CYTH4: variants seen among roughly 807,000 people sequenced by gnomAD.
CYTH4 encodes the protein cytohesin-4.
Under a neutral mutation model 57.5 loss-of-function variants are expected in CYTH4, and 22 were observed. That is an observed-to-expected ratio of 0.38 (90% CI 0.27 to 0.55). The LOEUF is 0.55. Ranked by LOEUF, CYTH4 falls within the 20% of genes least tolerant of loss-of-function variation. The probability of loss-of-function intolerance (pLI) is 0.74; values close to 1 mark genes in which losing one functional copy is unlikely to be tolerated. For synonymous variants in CYTH4, 186 were observed against 206.5 expected, an observed-to-expected ratio of 0.90 and a Z score of 0.85; for missense variants, 420 against 535.6, an observed-to-expected ratio of 0.78 and a Z score of 2.13.
At chr22:37,304,280 G>A (rs969916965) in intron 8 of CYTH4, 28 of 456,564 alleles carry the variant, frequency 6.1e-5, no homozygotes, top group Non-Finnish European at 1.1e-4. Flanking sequence ...TGTCCAGTGT[G>A]GCCGAGGTGT....
chr22:37,296,942 C>T (rs1204329663), intron 4 of CYTH4, among the ~76,000 whole-genome samples: 2 of 152,216 alleles, frequency 1.3e-5, no homozygotes, highest in Admixed American at 6.5e-5. Flanking sequence ...ACTAGGATGA[C>T]AAACTCTGAG....
chr22:37,296,307 A>G (rs1201755002), intron 4 of CYTH4: 11 of 560,990 alleles, frequency 2.0e-5, no homozygotes, highest in South Asian at 1.2e-4. Context: ...CACGGTGTCC[A>G]TGCACTTGGC....
chr22:37,283,268 G>A (rs995937806), intron 1 of CYTH4, among the ~76,000 whole-genome samples: 7 of 152,184 alleles, frequency 4.6e-5, no homozygotes, highest in African/African-American at 7.2e-5. Flanking sequence ...TGTCTGGGGA[G>A]AAAGAGGAGA....
intron 7 of CYTH4, among the ~76,000 whole-genome samples, chr22:37,302,862 T>C (rs1929231846): frequency 6.6e-6 from 1 of 151,924 alleles, no homozygotes; most frequent in Non-Finnish European, 1.5e-5. Flanking sequence ...CCGCTAACAA[T>C]GAGTGTTCTT....
intron 1 of CYTH4, among the ~76,000 whole-genome samples, chr22:37,284,045 T>G (rs1928463784): frequency 6.6e-6 from 1 of 152,142 alleles, no homozygotes; most frequent in African/African-American, 2.4e-5. Context: ...GGGGACTGAC[T>G]TGCTTGAGGT....
Position 37,314,787 on chromosome 22 carries a change from A to G in CYTH4, c.*1276A>G. On this transcript the variant is annotated 3_prime_UTR_variant, in exon 13 of 13. Transcript: ENST00000248901. ...GAGGGAAATTCCTTGGCAGGGGAAC[A>G]GGAAATGTGGCCGCCTCTGCCCCAC... 1 of 188,198 alleles carries G rather than the reference A, an allele frequency of 5.3e-6. No homozygotes were observed. The highest frequency in any genetic ancestry group is 1.1e-5 in the Non-Finnish European group (1 of 91,640). The allele number at this position is 188,198 out of a possible 1,614,324, so 11.7% of individuals were successfully genotyped here. A position where few individuals can be genotyped will look rare whatever the true frequency, so the allele number is the denominator to read the frequency against.
At chr22:37,288,188 G>A (rs946641633) in intron 1 of CYTH4, among the ~76,000 whole-genome samples, 3 of 152,180 alleles carry the variant, frequency 2.0e-5, no homozygotes, top group African/African-American at 7.2e-5. Context: ...GCCAAAGTGG[G>A]CAGATTGTGA....
At chr22:37,310,629 A>AAT (rs1929604677) in intron 9 of CYTH4, among the ~76,000 whole-genome samples, 2 of 152,354 alleles carry the variant, frequency 1.3e-5, no homozygotes, top group Middle Eastern at 6.8e-3. Flanking sequence ...GTGTCTGGCA[A>AAT]ATGAAGGACG....
intron 7 of CYTH4, 37 bp from the exon 8 acceptor site, chr22:37,303,217 G>A (rs1197630804): frequency 6.2e-7 from 1 of 1,611,268 alleles, no homozygotes; most frequent in East Asian, 2.2e-5. Flanking sequence ...AGGGAGAGTG[G>A]CCAGGGCCAG....
At chr22:37,304,069 C>G (rs567980563) in intron 8 of CYTH4, 1 of 425,558 alleles carries the variant, frequency 2.3e-6, no homozygotes, top group Non-Finnish European at 4.8e-6. Flanking sequence ...GCTCTGGAGA[C>G]GCAGATCTGC....
intron 2 of CYTH4, among the ~76,000 whole-genome samples, chr22:37,293,180 C>G (rs767405740): frequency 7.9e-5 from 12 of 152,256 alleles, no homozygotes; most frequent in Admixed American, 3.3e-4. Flanking sequence ...CAGCACTGCC[C>G]CTGGGCCTTT....
At chr22:37,290,403 C>T (rs1928708097) in intron 1 of CYTH4, among the ~76,000 whole-genome samples, 1 of 152,220 alleles carries the variant, frequency 6.6e-6, no homozygotes, top group Non-Finnish European at 1.5e-5. Context: ...TTGCAGGACT[C>T]TTCCCTTGGA....
chr22:37,287,084 G>A (rs1173778517), intron 1 of CYTH4, among the ~76,000 whole-genome samples: 1 of 152,142 alleles, frequency 6.6e-6, no homozygotes, highest in Non-Finnish European at 1.5e-5. Context: ...AGAGGATGGG[G>A]AGGAGGGGGC....
chr22:37,299,259 C>A lies in CYTH4; in HGVS notation c.387C>A (p.Phe129Leu). ...TCAACCTGCAGGTCCTCCAGGCCTT[C>A]GTGGACTGCCACGAGTTCGCCAACC... ...DPINLQVLQAFVDCHEFANLN... is the reference protein window; with the variant it reads ...DPINLQVLQALVDCHEFANLN... The change falls in exon 6 of 13, where the codon TTC (phenylalanine) becomes TTA (leucine). Residue 129 changes from phenylalanine to leucine, a missense_variant. Coordinates refer to ENST00000248901, the MANE Select transcript of CYTH4 (RefSeq NM_013385.5). 1 of 1,611,316 alleles carries A rather than the reference C, an allele frequency of 6.2e-7. No individual in the cohort carries two copies. The highest frequency in any genetic ancestry group is 8.5e-7 in the Non-Finnish European group (1 of 1,178,442).
chr22:37,300,908 C>G lies in CYTH4; in HGVS notation c.436C>G (p.Gln146Glu), dbSNP rs760012727. The G allele has an allele frequency of 6.2e-7, 1 of 1,613,796 alleles. No homozygotes were observed. Among genetic ancestry groups the G allele is most frequent in the Non-Finnish European group, 8.5e-7 (1 of 1,179,768 alleles). Residue 146 changes from glutamine (Q) to glutamate (E), a missense_variant and splice_region_variant, in exon 7 of 13, where the codon CAG becomes GAG. Physicochemically the swap from Gln to Glu is conservative, Grantham distance 29. Coordinates refer to ENST00000248901, the MANE Select transcript of CYTH4 (RefSeq NM_013385.5). ...ANLNLVQALR[Q>E]FLWSFRLPGE... ...CCCGTGGCCCCGTTTCTCCCCCAGG[C>G]AGTTCCTGTGGAGCTTCCGGCTGCC...
intron 7 of CYTH4, among the ~76,000 whole-genome samples, chr22:37,301,549 C>T (rs1008469178): frequency 1.3e-5 from 2 of 151,874 alleles, no homozygotes; most frequent in East Asian, 3.9e-4. Context: ...GTGAAGACAT[C>T]CAGAGGACAG....
chr22:37,282,588 G>C lies in CYTH4; in HGVS notation c.19G>C (p.Glu7Gln). 6.2e-7 allele frequency: 1 copy of C among 1,612,366 alleles called. No homozygotes were observed. Among genetic ancestry groups the C allele is most frequent in the Non-Finnish European group, 8.5e-7 (1 of 1,179,266 alleles). ...CGTCGGAATGGACCTGTGCCACCCAGGTAAGCAACTGCCGTCAACCTCTCT... is the reference window on the plus strand; with the variant it reads ...CGTCGGAATGGACCTGTGCCACCCACGTAAGCAACTGCCGTCAACCTCTCT... MDLCHP[E>Q]PAELSSGETE... The change falls in exon 1 of 13, where the codon GAG becomes CAG. Residue 7 changes from glutamate (E) to glutamine (Q), a missense_variant and splice_region_variant. Coordinates refer to ENST00000248901, the MANE Select transcript of CYTH4 (RefSeq NM_013385.5).
intron 8 of CYTH4, among the ~76,000 whole-genome samples, chr22:37,308,732 G>A (rs1003013045): frequency 1.3e-5 from 2 of 151,892 alleles, no homozygotes; most frequent in African/African-American, 4.8e-5. Flanking sequence ...GTGTATGTAT[G>A]AGTATGCATG....
chr22:37,300,934 G>A lies in CYTH4; in HGVS notation c.462G>A (p.Pro154=), dbSNP rs758613502. The A allele has an allele frequency of 3.2e-5, 52 of 1,614,078 alleles. No individual in the cohort carries two copies. Among genetic ancestry groups the A allele is most frequent in the Middle Eastern group, 3.3e-4 (2 of 6,084 alleles). ...AGTTCCTGTGGAGCTTCCGGCTGCC[G>A]GGCGAGGCCCAGAAGATAGACCGGA... ...LRQFLWSFRL[P]GEAQKIDRMM... is the part of the protein sequence containing the mutation. Residue 154 remains proline, a synonymous_variant, in exon 7 of 13, where the codon CCG becomes CCA. Transcript: ENST00000248901.
Sources: allele counts gnomAD v4.1 joint callset (sites outside exome capture counted in the v4.1 genomes callset), GRCh38; gene constraint gnomAD v4.1.1; transcripts MANE v1.5; gene names NCBI Gene and HGNC (gene_info 2026-07-23, HGNC 2026-07-21).